The following KPNA7 variants were observed in gnomAD, a reference collection of about 807,000 sequenced individuals.
The protein encoded by KPNA7 is importin subunit alpha-8.
KPNA7 carries 54 observed loss-of-function variants against 53.7 expected under a neutral mutation model. That is an observed-to-expected ratio of 1.01 (90% CI 0.81 to 1.26). The LOEUF (loss-of-function observed/expected upper bound fraction) is 1.26. Ranked by LOEUF, KPNA7 falls within the 50% of genes most tolerant of loss-of-function variation. KPNA7 has a pLI of 0.00. For synonymous variants in KPNA7, 276 were observed against 259.3 expected (o/e 1.06, Z -0.62); for missense variants, 640 against 644.5 (o/e 0.99, Z 0.07).
At chr7:99,204,412 G>A (rs567778505) in intron 2 of KPNA7, among the ~76,000 whole-genome samples, 10 of 151,660 alleles carry the variant, frequency 6.6e-5, no homozygotes, top group South Asian at 4.2e-4. Flanking sequence ...TCCCCTCCCC[G>A]ATCTTATGTC....
At chr7:99,166,854 C>T in the KPNA7 span, among the ~76,000 whole-genome samples, 1 of 151,314 alleles carries the variant, frequency 6.6e-6, no homozygotes, top group African/African-American at 2.4e-5. Context: ...CTCCTGACCT[C>T]GTGATCCACC....
chr7:99,195,381 A>T, intron 4 of KPNA7, 43 bp from the exon 5 acceptor site: 2 of 1,535,136 alleles, frequency 1.3e-6, no homozygotes, highest in Non-Finnish European at 1.8e-6. Context: ...AGGTCAAGTG[A>T]GAGAGGTATT....
chr7:99,210,408 C>G (rs967160361), upstream of KPNA7, among the ~76,000 whole-genome samples: 3 of 152,156 alleles, frequency 2.0e-5, no homozygotes, highest in African/African-American at 7.2e-5. Context: ...GGTAACAGTA[C>G]TGTGTCTTAG....
chr7:99,152,363 A>AAAAAAG, the KPNA7 span, among the ~76,000 whole-genome samples: 1 of 151,712 alleles, frequency 6.6e-6, no homozygotes, highest in African/African-American at 2.4e-5. Flanking sequence ...GTCTCAAAAA[A>AAAAAAG]AAAAAGAAAA....
chr7:99,212,470 T>C (rs1399619046), upstream of KPNA7, among the ~76,000 whole-genome samples: 1 of 151,734 alleles, frequency 6.6e-6, no homozygotes, highest in African/African-American at 2.4e-5. Flanking sequence ...GCTGAGCTGG[T>C]CTCAAACTCC....
chr7:99,199,646 A>G (rs1267360539), intron 3 of KPNA7, among the ~76,000 whole-genome samples: 1 of 152,238 alleles, frequency 6.6e-6, no homozygotes, highest in Non-Finnish European at 1.5e-5. Context: ...TCTTAGAAAG[A>G]AATATAGGCA....
chr7:99,164,252 T>C, the KPNA7 span, among the ~76,000 whole-genome samples: 1,716 of 151,600 alleles, frequency 0.011, 32 homozygotes, highest in African/African-American at 0.04. Flanking sequence ...TGTCCAACAA[T>C]GATAGACTGG....
chr7:99,173,864 A>T, intron 10 of KPNA7, 70 bp from the exon 11 acceptor site: 1 of 926,902 alleles, frequency 1.1e-6, no homozygotes, highest in East Asian at 2.7e-5. Context: ...ATTTGGCAAG[A>T]TGCACCTTGT....
downstream of KPNA7, among the ~76,000 whole-genome samples, chr7:99,172,805 G>A (rs1460322267): frequency 1.3e-5 from 2 of 152,052 alleles, no homozygotes; most frequent in East Asian, 1.9e-4. Context: ...GCTCACGCCT[G>A]TAATCCCAGC....
the KPNA7 span, among the ~76,000 whole-genome samples, chr7:99,156,805 A>G: frequency 1.3e-5 from 2 of 152,126 alleles, no homozygotes; most frequent in Non-Finnish European, 1.5e-5. Context: ...GATTACAGGC[A>G]TGAGCCAACA....
At chr7:99,164,328 G>T in the KPNA7 span, among the ~76,000 whole-genome samples, 8 of 151,914 alleles carry the variant, frequency 5.3e-5, no homozygotes, top group Non-Finnish European at 5.9e-5. Context: ...AAGAGTTCAT[G>T]TCCTTTGTAG....
At chr7:99,157,664 T>C in the KPNA7 span, among the ~76,000 whole-genome samples, 3 of 152,234 alleles carry the variant, frequency 2.0e-5, no homozygotes, top group Non-Finnish European at 4.4e-5. Flanking sequence ...CCCCTATGAA[T>C]AGATTAGCTA....
chr7:99,197,129 T>A (rs534502596), intron 3 of KPNA7, among the ~76,000 whole-genome samples: 1 of 152,320 alleles, frequency 6.6e-6, no homozygotes, highest in East Asian at 1.9e-4. Flanking sequence ...TACGTCAGAA[T>A]TGTCAACTGC....
the KPNA7 span, among the ~76,000 whole-genome samples, chr7:99,153,073 G>A: frequency 2.6e-5 from 4 of 152,230 alleles, no homozygotes; most frequent in East Asian, 5.8e-4. Context: ...CCTCGCAAAC[G>A]GGGTGAGGAT....
At position 99,207,554 on chromosome 7, in the gene KPNA7, A is replaced by AT; in HGVS notation, c.-23-66dup. 9.5e-6 allele frequency: 7 copies of AT among 734,052 alleles called. No individual in the cohort carries two copies. In the South Asian group the frequency reaches 1.0e-4, roughly 11 times the overall value. 45.5% of individuals were successfully genotyped at this position (734,052 alleles called of 1,614,324 possible). On this transcript the variant is annotated intron_variant, in intron 1 of 10. Transcript: ENST00000327442. Reference sequence around the variant, plus strand: ...TTGTGTGGGTTATTATGTCAGTATCATAAGGCTCTAACCCTTAAAGGGCTC... The same window carrying AT: ...TTGTGTGGGTTATTATGTCAGTATCATTAAGGCTCTAACCCTTAAAGGGCTC...
the KPNA7 span, among the ~76,000 whole-genome samples, chr7:99,148,676 C>T: frequency 6.6e-6 from 1 of 152,114 alleles, no homozygotes; most frequent in South Asian, 2.1e-4. Flanking sequence ...ACTTCAGCCT[C>T]GAACTCCTGG....
rs764968209 is a variant in KPNA7, at chr7:99,188,399, G to T, written c.801C>A (p.Tyr267Ter). 3.2e-6 allele frequency: 5 copies of T among 1,551,660 alleles called. No individual in the cohort carries two copies. The South Asian group carries it at 5.9e-5, about 18-fold the overall frequency. The part of the protein sequence containing the change: ...VLSDACWALS[Y>*]LTDGSNKRIG... ...TGCGCTTGTTGGAGCCGTCGGTGAG[G>T]TAGGACAGTGCCCAGCAGGCATCCG... Residue 267 changes from tyrosine to a stop codon, truncating the protein, a stop_gained, in exon 7 of 11, where the codon TAC becomes TAA. Transcript: ENST00000327442. LOFTEE classifies it high-confidence loss of function.
At chr7:99,178,597 G>A (rs1799012534) in intron 9 of KPNA7, among the ~76,000 whole-genome samples, 1 of 151,304 alleles carries the variant, frequency 6.6e-6, no homozygotes, top group East Asian at 1.9e-4. Context: ...AGATACACAG[G>A]GAAGACTCAG....
chr7:99,203,793 C>G (rs1338754235), intron 2 of KPNA7, among the ~76,000 whole-genome samples: 1 of 152,116 alleles, frequency 6.6e-6, no homozygotes, highest in African/African-American at 2.4e-5. Flanking sequence ...CCACTACAAC[C>G]TCTGCCTCTG....
Sources: allele counts gnomAD v4.1 joint callset (sites outside exome capture counted in the v4.1 genomes callset), GRCh38; gene constraint gnomAD v4.1.1; transcripts MANE v1.5; gene names NCBI Gene and HGNC (gene_info 2026-07-23, HGNC 2026-07-21).